Variants in STMN2 observed in about 807,000 individuals in gnomAD.
STMN2 encodes stathmin-2.
Under a neutral mutation model 24.1 loss-of-function variants are expected in STMN2, and 2 were observed. The observed-to-expected ratio is 0.08, with a 90% CI of 0.03 to 0.26. The LOEUF is 0.26. Among genes scored for constraint, STMN2 ranks in the 10% least tolerant of loss-of-function variants. The pLI, the probability that STMN2 is intolerant of heterozygous loss-of-function variation, is 1.00. For synonymous variants in STMN2, 83 were observed against 77.5 expected (o/e 1.07, Z -0.37); for missense variants, 114 against 213.6 (o/e 0.53, Z 2.91).
intron 1 of STMN2, among the ~76,000 whole-genome samples, chr8:79,627,759 C>T (rs1201893497): frequency 6.6e-6 from 1 of 152,078 alleles, no homozygotes; most frequent in African/African-American, 2.4e-5. Flanking sequence ...GTATCCTTTA[C>T]CAATATCTCT....
At chr8:79,641,623 T>TTCTC (rs1810097024) in intron 3 of STMN2, 73 bp downstream of exon 3, 7 of 520,982 alleles carry the variant, frequency 1.3e-5, no homozygotes, top group Non-Finnish European at 1.5e-5. Flanking sequence ...CGGGCACACA[T>TTCTC]GCACGCACAC....
At chr8:79,624,270 C>A (rs947447908) in intron 1 of STMN2, among the ~76,000 whole-genome samples, 2 of 151,492 alleles carry the variant, frequency 1.3e-5, no homozygotes, top group Non-Finnish European at 2.9e-5. Flanking sequence ...CTGGCTAACA[C>A]GGTGAAACCC....
intron 3 of STMN2, among the ~76,000 whole-genome samples, chr8:79,653,685 AT>A (rs556365995): frequency 7.5e-4 from 115 of 152,332 alleles, no homozygotes; most frequent in Non-Finnish European, 1.3e-3. Context: ...AATGCTTTCA[AT>A]GGTAATCAGT....
intron 1 of STMN2, chr8:79,613,336 G>T: frequency 1.0e-6 from 1 of 971,354 alleles, no homozygotes; most frequent in Non-Finnish European, 1.2e-6. Context: ...GGTGTGTGGA[G>T]CGCAGCCAGC....
At chr8:79,662,203 A>G (rs1806516977) in intron 4 of STMN2, among the ~76,000 whole-genome samples, 2 of 152,168 alleles carry the variant, frequency 1.3e-5, no homozygotes, top group Non-Finnish European at 2.9e-5. Flanking sequence ...ATAGCTGCAT[A>G]CAATGCTAAA....
intron 1 of STMN2, among the ~76,000 whole-genome samples, chr8:79,615,109 C>T (rs1362825667): frequency 6.6e-6 from 1 of 152,222 alleles, no homozygotes; most frequent in Non-Finnish European, 1.5e-5. Context: ...AGCTATCAAA[C>T]AGAATTTTAA....
At chr8:79,642,588 G>C (rs1810124744) in intron 3 of STMN2, among the ~76,000 whole-genome samples, 1 of 152,114 alleles carries the variant, frequency 6.6e-6, no homozygotes, top group African/African-American at 2.4e-5. Flanking sequence ...ATTAAAAACA[G>C]AATGAAGATA....
At chr8:79,651,098 A>G (rs1228035246) in intron 3 of STMN2, among the ~76,000 whole-genome samples, 1 of 152,210 alleles carries the variant, frequency 6.6e-6, no homozygotes, top group Non-Finnish European at 1.5e-5. Context: ...ACAGACAATT[A>G]TTAAGTCCTG....
chr8:79,654,257 G>A (rs1297646351), intron 3 of STMN2, among the ~76,000 whole-genome samples: 1 of 151,972 alleles, frequency 6.6e-6, no homozygotes, highest in South Asian at 2.1e-4. Context: ...TTTCAAGAGA[G>A]GGTCAAAACA....
chr8:79,656,047 C>T (rs1167765994), intron 4 of STMN2, among the ~76,000 whole-genome samples: 1 of 152,152 alleles, frequency 6.6e-6, no homozygotes, highest in Non-Finnish European at 1.5e-5. Context: ...AGAGATGGCC[C>T]TTCTCATCTA....
At chr8:79,660,375 C>T (rs902554417) in intron 4 of STMN2, among the ~76,000 whole-genome samples, 1 of 152,108 alleles carries the variant, frequency 6.6e-6, no homozygotes, top group Non-Finnish European at 1.5e-5. Flanking sequence ...CTTTCAGTAT[C>T]GTTTAGAAAG....
chr8:79,633,956 G>T (rs1809876065), intron 1 of STMN2, among the ~76,000 whole-genome samples: 1 of 152,274 alleles, frequency 6.6e-6, no homozygotes, highest in African/African-American at 2.4e-5. Context: ...ATATTGAGGA[G>T]TTTTTTCTTC....
In STMN2 at chr8:79,655,013, A is replaced by G; in HGVS notation, c.431A>G (p.Glu144Gly). 1 of 1,614,052 alleles carries G rather than the reference A, an allele frequency of 6.2e-7. No homozygotes were observed. Among genetic ancestry groups the G allele is most frequent in the Non-Finnish European group, 8.5e-7 (1 of 1,179,940 alleles). ...KLILKMEQIK[E>G]NREANLAAII... ...ATCCTGAAAATGGAACAAATTAAGG[A>G]AAACCGTGAGGCTAATCTAGCTGCT... is the stretch of plus-strand genomic sequence containing the variant. Residue 144 changes from glutamate (E) to glycine (G), a missense_variant, in exon 4 of 5, where the codon GAA (glutamate) becomes GGA (glycine). By Grantham distance (98) the Glu-to-Gly change is moderately conservative (BLOSUM62 -2). Transcript: ENST00000220876.
intron 3 of STMN2, 43 bp downstream of exon 3, chr8:79,641,593 G>T: frequency 6.5e-7 from 1 of 1,535,770 alleles, no homozygotes; most frequent in Non-Finnish European, 8.8e-7. Flanking sequence ...TCCCTCCCCT[G>T]CTCCTCCCTC....
chr8:79,639,496 T>C (rs988516595), intron 2 of STMN2, among the ~76,000 whole-genome samples: 1 of 152,228 alleles, frequency 6.6e-6, no homozygotes, highest in African/African-American at 2.4e-5. Flanking sequence ...CTTTTAAAAA[T>C]CATTGCATTT....
At chr8:79,617,001 T>G (rs377037510) in intron 1 of STMN2, among the ~76,000 whole-genome samples, 164 of 152,326 alleles carry the variant, frequency 1.1e-3, no homozygotes, top group African/African-American at 3.8e-3. Context: ...CTTACTATCA[T>G]TTATGAATAG....
At chr8:79,632,865 T>A (rs998939390) in intron 1 of STMN2, among the ~76,000 whole-genome samples, 30 of 152,194 alleles carry the variant, frequency 2.0e-4, no homozygotes, top group Non-Finnish European at 4.1e-4. Flanking sequence ...AGTGTTAAAA[T>A]TCATATTAAT....
intron 3 of STMN2, 89 bp downstream of exon 3, chr8:79,641,639 C>CACACAA (rs1810101057): frequency 3.9e-6 from 2 of 516,908 alleles, no homozygotes; most frequent in African/African-American, 2.3e-5. Context: ...CACACACACA[C>CACACAA]ACACACACAC....
intron 1 of STMN2, among the ~76,000 whole-genome samples, chr8:79,612,041 C>A (rs1188236003): frequency 6.6e-6 from 1 of 151,904 alleles, no homozygotes; most frequent in African/African-American, 2.4e-5. Flanking sequence ...ATGCGGACAG[C>A]CCCACCCAGT....
Sources: allele counts gnomAD v4.1 joint callset (sites outside exome capture counted in the v4.1 genomes callset), GRCh38; gene constraint gnomAD v4.1.1; transcripts MANE v1.5; gene names NCBI Gene and HGNC (gene_info 2026-07-23, HGNC 2026-07-21).